The following SGIP1 variants were observed in gnomAD, a reference collection of about 807,000 sequenced individuals.
SGIP1 encodes the protein SH3-containing GRB2-like protein 3-interacting protein 1.
In SGIP1, 38 loss-of-function variants were observed where a neutral mutation model predicts 107.5. That is an observed-to-expected ratio of 0.35 (90% confidence interval 0.27 to 0.46). SGIP1 has a LOEUF of 0.46. Ranked by LOEUF, SGIP1 falls within the 20% of genes least tolerant of loss-of-function variation. The pLI is 1.00. For missense variants in SGIP1, 929 were observed against 1,019.5 expected (o/e 0.91, Z 1.21); for synonymous variants, 365 against 366.1 (o/e 1.00, Z 0.03).
At chr1:66,558,004 A>G (rs915877365) in intron 1 of SGIP1, among the ~76,000 whole-genome samples, 1 of 152,106 alleles carries the variant, frequency 6.6e-6, no homozygotes, top group Non-Finnish European at 1.5e-5. Context: ...AATGGGAAAC[A>G]CTTTTTTAAA....
At chr1:66,651,725 C>T (rs772169172) in intron 7 of SGIP1, among the ~76,000 whole-genome samples, 2 of 152,060 alleles carry the variant, frequency 1.3e-5, no homozygotes, top group Non-Finnish European at 2.9e-5. Context: ...GACAGGAGAG[C>T]GAGGCTGAGT....
At chr1:66,535,989 C>T (rs2053512490) in intron 1 of SGIP1, among the ~76,000 whole-genome samples, 1 of 152,166 alleles carries the variant, frequency 6.6e-6, no homozygotes, top group Admixed American at 6.5e-5. Flanking sequence ...TCACTTCTTG[C>T]CTTGCAAACC....
chr1:66,589,359 CA>C (rs5774824), intron 1 of SGIP1, among the ~76,000 whole-genome samples: 18,644 of 131,244 alleles, frequency 0.14, 1,169 homozygotes, highest in Non-Finnish European at 0.15. Flanking sequence ...AATTTGGGCA[CA>C]AAAAAAAAAA....
At chr1:66,585,496 A>C (rs1426197303) in intron 1 of SGIP1, among the ~76,000 whole-genome samples, 1 of 151,710 alleles carries the variant, frequency 6.6e-6, no homozygotes, top group East Asian at 1.9e-4. Context: ...GTCCGTGAGA[A>C]AGCAGGGTGA....
intron 11 of SGIP1, 130 bp downstream of exon 11, chr1:66,672,125 T>A: frequency 1.3e-6 from 1 of 786,306 alleles, no homozygotes. Flanking sequence ...TCAGTCCATA[T>A]GTCCACAGCA....
chr1:66,706,854 C>T (rs1003077905), intron 18 of SGIP1, among the ~76,000 whole-genome samples: 17 of 152,132 alleles, frequency 1.1e-4, no homozygotes, highest in African/African-American at 3.4e-4. Context: ...TTTTAACATA[C>T]GCTAATATTC....
chr1:66,575,549 T>C (rs933592192), intron 1 of SGIP1, among the ~76,000 whole-genome samples: 8 of 152,152 alleles, frequency 5.3e-5, no homozygotes, highest in Admixed American at 3.3e-4. Context: ...AACCTATGTG[T>C]ATTGACATTC....
At chr1:66,729,513 A>G (rs920157904) in intron 20 of SGIP1, 94 bp downstream of exon 20, 18 of 1,434,954 alleles carry the variant, frequency 1.3e-5, no homozygotes, top group Non-Finnish European at 1.5e-5. Flanking sequence ...GGGTCGCACT[A>G]TAGTGAAATT....
intron 7 of SGIP1, among the ~76,000 whole-genome samples, chr1:66,656,694 T>C (rs999077963): frequency 3.5e-4 from 53 of 152,214 alleles, no homozygotes; most frequent in Non-Finnish European, 5.9e-5. Context: ...GGAGCTTTTA[T>C]GGCCTTTTCT....
chr1:66,534,313 T>C lies in SGIP1; in HGVS notation c.-46T>C, dbSNP rs371395951. On this transcript the variant is annotated 5_prime_UTR_variant, in exon 1 of 25. Transcript: ENST00000371037. ...TGGGACCTGGAATCGTATCCTCCTG[T>C]GTTTTTTCAGACTCCTTGGAAATTA... The C allele has an allele frequency of 3.8e-5, 61 of 1,611,252 alleles. No individual in the cohort carries two copies. The African/African-American group carries it at 7.0e-4, about 18-fold the overall frequency.
chr1:66,639,542 A>C (rs1031195997), intron 4 of SGIP1, among the ~76,000 whole-genome samples: 33 of 152,226 alleles, frequency 2.2e-4, no homozygotes, highest in Admixed American at 2.1e-3. Context: ...CCTGTGCCTC[A>C]GTATCCTACA....
intron 1 of SGIP1, among the ~76,000 whole-genome samples, chr1:66,547,421 GT>G (rs2056610563): frequency 6.6e-6 from 1 of 152,150 alleles, no homozygotes; most frequent in Non-Finnish European, 1.5e-5. Flanking sequence ...CCCAAATATA[GT>G]TCTGTATACA....
intron 1 of SGIP1, 67 bp downstream of exon 1, chr1:66,534,435 A>G (rs2053074899): frequency 6.4e-7 from 1 of 1,572,912 alleles, no homozygotes. Context: ...ATTAAAGAAT[A>G]TGTGCAGCCA....
intron 7 of SGIP1, among the ~76,000 whole-genome samples, chr1:66,645,019 A>T (rs990174827): frequency 8.5e-5 from 13 of 152,210 alleles, no homozygotes; most frequent in Admixed American, 3.9e-4. Context: ...GGCATCTTTC[A>T]AATTATTTTT....
In SGIP1 at chr1:66,689,196, G is replaced by C; in HGVS notation, c.1364G>C (p.Ser455Thr). ...GCCACTCCTTTGGTTCCTTGCAGAA[G>C]TACCACTCCACCTCCACCTCCTCCC... ...RPATPLVPCR[S>T]TTPPPPPPRP... is the part of the protein sequence containing the mutation. The change falls in exon 16 of 25, where the codon AGT becomes ACT. Residue 455 changes from serine to threonine, a missense_variant. This residue lies in a region of SGIP1 where 588 missense variants were observed against 588.6 expected (regional missense o/e 1.00). Transcript: ENST00000371037. 2 of 1,613,782 alleles carry C rather than the reference G, an allele frequency of 1.2e-6. No homozygotes were observed. The highest frequency in any genetic ancestry group is 1.7e-6 in the Non-Finnish European group (2 of 1,179,840).
At chr1:66,707,047 G>C (rs1572076594) in intron 18 of SGIP1, among the ~76,000 whole-genome samples, 2 of 151,970 alleles carry the variant, frequency 1.3e-5, no homozygotes, top group Admixed American at 6.6e-5. Flanking sequence ...TGATGTTTTG[G>C]TGAAAATTCT....
At chr1:66,571,530 T>C (rs2148607423) in intron 1 of SGIP1, among the ~76,000 whole-genome samples, 1 of 152,170 alleles carries the variant, frequency 6.6e-6, no homozygotes, top group Non-Finnish European at 1.5e-5. Context: ...GAGATTTGCT[T>C]TAAAATCATT....
At chr1:66,543,995 GA>G (rs1229030194) in intron 1 of SGIP1, among the ~76,000 whole-genome samples, 1 of 152,014 alleles carries the variant, frequency 6.6e-6, no homozygotes, top group East Asian at 1.9e-4. Flanking sequence ...TAATAAAATA[GA>G]ACAGTTTCCA....
intron 19 of SGIP1, among the ~76,000 whole-genome samples, chr1:66,724,402 G>C (rs1365860058): frequency 6.6e-6 from 1 of 151,910 alleles, no homozygotes; most frequent in Non-Finnish European, 1.5e-5. Context: ...AAATCCTTAA[G>C]TTAAAAAAAA....
Sources: gnomAD v4.1 joint callset for allele counts (sites outside exome capture counted in the v4.1 genomes callset) on GRCh38, gnomAD v4.1.1 for gene constraint, gnomAD v4.1.1 regional missense constraint, MANE v1.5 for transcripts, NCBI Gene and HGNC (gene_info 2026-07-23, HGNC 2026-07-21) for gene names.